SMAGP: variants seen among roughly 807,000 people sequenced by gnomAD.
SMAGP encodes the protein small cell transmembrane and glycosylated protein.
Under a neutral mutation model 10.1 loss-of-function variants are expected in SMAGP, and 7 were observed. The ratio of observed to expected loss-of-function variants is 0.70; its 90% confidence interval spans 0.40 to 1.31. The LOEUF (loss-of-function observed/expected upper bound fraction) is 1.31, where lower values mean the gene tolerates loss of function less well. Ranked by LOEUF, SMAGP falls within the 50% of genes most tolerant of loss-of-function variation. SMAGP has a pLI of 0.01. For synonymous variants in SMAGP, 49 were observed against 47.2 expected (o/e 1.04, Z -0.16); for missense variants, 113 against 116.5 (o/e 0.97, Z 0.14).
At chr12:51,255,383 A>G (rs1944876038) in intron 2 of SMAGP, among the ~76,000 whole-genome samples, 1 of 152,146 alleles carries the variant, frequency 6.6e-6, no homozygotes, top group Non-Finnish European at 1.5e-5. Flanking sequence ...CTTGTGCATA[A>G]CAATCTCCTA....
At position 51,247,352 on chromosome 12, in the gene SMAGP, A is replaced by AT. The variant is rs146047245; in HGVS notation, c.35-522dup. ...TTCTTACTAATTCTTTGTAAACATT[A>AT]TTTTAACATAATGAAATAGTGCTCC... On this transcript the variant is annotated intron_variant, in intron 2 of 3. Transcript: ENST00000603798. 4.8e-3 allele frequency among the ~76,000 whole-genome samples: 731 copies of AT among 152,322 alleles called. 9 individuals carry two copies. The highest frequency in any genetic ancestry group is 0.016 in the African/African-American group (684 of 41,578).
At chr12:51,265,107 G>T (rs1944963497) in intron 2 of SMAGP, among the ~76,000 whole-genome samples, 1 of 152,044 alleles carries the variant, frequency 6.6e-6, no homozygotes, top group South Asian at 2.1e-4. Context: ...TGGTCAATAA[G>T]TACATGAAAA....
At chr12:51,253,392 G>C (rs1010595184) in intron 2 of SMAGP, among the ~76,000 whole-genome samples, 1 of 152,170 alleles carries the variant, frequency 6.6e-6, no homozygotes, top group Admixed American at 6.5e-5. Flanking sequence ...CAATCTCATT[G>C]CTGGGTGGGT....
At chr12:51,252,232 T>C (rs1045820986) in intron 2 of SMAGP, among the ~76,000 whole-genome samples, 1 of 151,418 alleles carries the variant, frequency 6.6e-6, no homozygotes, top group East Asian at 1.9e-4. Flanking sequence ...TAGCTGGGAC[T>C]ACAGGCGCAT....
At chr12:51,247,909 C>A (rs1350449319) in intron 2 of SMAGP, among the ~76,000 whole-genome samples, 1 of 152,180 alleles carries the variant, frequency 6.6e-6, no homozygotes, top group Admixed American at 6.5e-5. Context: ...AGCCGAGGGG[C>A]CTGATCTAGT....
chr12:51,246,896 G>T, intron 2 of SMAGP, 65 bp from the exon 3 acceptor site: 1 of 1,305,022 alleles, frequency 7.7e-7, no homozygotes, highest in Non-Finnish European at 1.0e-6. Context: ...GCATATGTTT[G>T]GCCTTCAAAT....
At chr12:51,259,576 G>A (rs1944914916) in intron 2 of SMAGP, among the ~76,000 whole-genome samples, 1 of 151,802 alleles carries the variant, frequency 6.6e-6, no homozygotes, top group South Asian at 2.1e-4. Flanking sequence ...ACAAAGAATG[G>A]GGAAGCTATG....
At chr12:51,256,663 C>T (rs1171010281) in intron 2 of SMAGP, among the ~76,000 whole-genome samples, 8 of 151,440 alleles carry the variant, frequency 5.3e-5, no homozygotes, top group Admixed American at 6.6e-5. Flanking sequence ...GAGGTTGCGG[C>T]GAGCTGAGAT....
rs1204589890 is a variant in SMAGP at position 51,245,898 on chromosome 12, T to G, written c.*43A>C. The stretch of plus-strand genomic sequence containing the variant: ...TTCCCATAATAAGCAGTCAACGTGT[T>G]AGCGATGGAGCCAGGAATAAGCTCC... On this transcript the variant is annotated 3_prime_UTR_variant, in exon 4 of 4. Coordinates refer to ENST00000603798, the MANE Select transcript of SMAGP (RefSeq NM_001031628.2). 1 of 1,584,710 alleles carries G rather than the reference T, an allele frequency of 6.3e-7. No homozygotes were observed. Among genetic ancestry groups the G allele is most frequent in the South Asian group, 1.1e-5 (1 of 89,022 alleles).
In SMAGP at chr12:51,246,858, G is replaced by A. The variant is rs778519940; in HGVS notation, c.35-27C>T. 11 of 1,498,158 alleles carry A rather than the reference G, an allele frequency of 7.3e-6. No homozygotes were observed. The South Asian group carries it at 1.1e-4, about 16-fold the overall frequency. 92.8% of individuals were successfully genotyped at this position (1,498,158 alleles called of 1,614,324 possible). A position where few individuals can be genotyped will look rare whatever the true frequency, so the allele number is the denominator to read the frequency against. The stretch of plus-strand genomic sequence containing the variant: ...TGGAAAATGTAGAAAAGTGGAAAAG[G>A]AAATGGAGTGAATTCTTTTGTTTGA... On this transcript the variant is annotated intron_variant, in intron 2 of 3. Coordinates refer to ENST00000603798, the MANE Select transcript of SMAGP (RefSeq NM_001031628.2).
In SMAGP at chr12:51,245,969, C is replaced by G; in HGVS notation, c.266G>C (p.Gly89Ala). 1.9e-6 allele frequency: 3 copies of G among 1,613,838 alleles called. No homozygotes were observed. The highest frequency in any genetic ancestry group is 2.5e-6 in the Non-Finnish European group (3 of 1,179,804). ...IVQMESDLAK[G>A]SEKEEYFI The stretch of plus-strand genomic sequence containing the variant: ...GATGAAATATTCCTCTTTCTCGCTG[C>G]CCTTGGCCAAGTCACTCTCCATCTG... The change falls in exon 4 of 4, where the codon GGC (glycine) becomes GCC (alanine). Residue 89 changes from glycine (G) to alanine (A), a missense_variant. Coordinates refer to ENST00000603798, the MANE Select transcript of SMAGP (RefSeq NM_001031628.2).
At chr12:51,247,705 C>G (rs1944790389) in intron 2 of SMAGP, among the ~76,000 whole-genome samples, 1 of 152,148 alleles carries the variant, frequency 6.6e-6, no homozygotes, top group South Asian at 2.1e-4. Context: ...CTGGCAACAC[C>G]CACAGGAGGC....
At chr12:51,269,494 C>G in intron 1 of SMAGP, 178 bp from the exon 2 acceptor site, 1 of 583,882 alleles carries the variant, frequency 1.7e-6, no homozygotes, top group African/African-American at 1.9e-5. Context: ...CAGCTCTCCA[C>G]AGGAGCAGGT....
chr12:51,269,092 T>A (rs1229108541), intron 2 of SMAGP, among the ~76,000 whole-genome samples, 153 bp downstream of exon 2: 1 of 152,158 alleles, frequency 6.6e-6, no homozygotes, highest in Non-Finnish European at 1.5e-5. Context: ...AGGGGCACAC[T>A]CTAGTTCCTG....
At chr12:51,268,118 C>T (rs779494393) in intron 2 of SMAGP, among the ~76,000 whole-genome samples, 7 of 152,096 alleles carry the variant, frequency 4.6e-5, no homozygotes, top group Non-Finnish European at 8.8e-5. Flanking sequence ...CAGTAGTGCC[C>T]GGCCTCCGCA....
Position 51,245,850 on chromosome 12 carries a change from T to G in SMAGP, c.*91A>C. The G allele has an allele frequency of 3.5e-6, 5 of 1,436,286 alleles. No individual in the cohort carries two copies. The South Asian group carries it at 5.5e-5, about 16-fold the overall frequency. The allele number at this position is 1,436,286 out of a possible 1,614,324, so 89.0% of individuals were successfully genotyped here. The stretch of plus-strand genomic sequence containing the variant: ...GGATTTGCCCACATCAATCAATGCT[T>G]CTCCCTGGCTTCAGAGAAAACTTTC... On this transcript the variant is annotated 3_prime_UTR_variant, in exon 4 of 4. Coordinates refer to ENST00000603798, the MANE Select transcript of SMAGP (RefSeq NM_001031628.2).
At chr12:51,248,937 A>C (rs2137296433) in intron 2 of SMAGP, among the ~76,000 whole-genome samples, 3 of 144,944 alleles carry the variant, frequency 2.1e-5, no homozygotes, top group South Asian at 4.3e-4. Flanking sequence ...AAAAATAGCC[A>C]AGTATGGTGG....
Position 51,270,380 on chromosome 12 carries a change from A to G in SMAGP, c.-163T>C, listed in dbSNP as rs535365052. On this transcript the variant is annotated 5_prime_UTR_variant, in exon 1 of 4. Coordinates refer to ENST00000603798, the MANE Select transcript of SMAGP (RefSeq NM_001031628.2). ...GAGGCCGAACGAGGACCCCGAGCGGAGGAAGCCGCGGGTGGCGCGCGGGGT... is the reference window on the plus strand; with the variant it reads ...GAGGCCGAACGAGGACCCCGAGCGGGGGAAGCCGCGGGTGGCGCGCGGGGT... 24 of 210,940 alleles carry G rather than the reference A, an allele frequency of 1.1e-4. No individual in the cohort carries two copies. In the East Asian group the frequency reaches 2.2e-3, roughly 19 times the overall value. 13.1% of individuals were successfully genotyped at this position (210,940 alleles called of 1,614,324 possible). A position where few individuals can be genotyped will look rare whatever the true frequency, so the allele number is the denominator to read the frequency against.
rs56916271 is a variant in SMAGP, at chr12:51,257,552, AT to A, written c.35-10722del. Among the ~76,000 whole-genome samples the A allele has an allele frequency of 2.8e-3, 406 of 145,322 alleles. 8 individuals are homozygous for A. The East Asian group carries it at 0.034, about 12-fold the overall frequency. The stretch of plus-strand genomic sequence containing the variant: ...GCAACATAGTGAGACCTTTGTATAC[AT>A]TTTTTTTTTTTGAGACAGTCTTGCT... On this transcript the variant is annotated intron_variant, in intron 2 of 3. Transcript: ENST00000603798.
Sources: gnomAD v4.1 joint callset for allele counts (sites outside exome capture counted in the v4.1 genomes callset) on GRCh38, gnomAD v4.1.1 for gene constraint, MANE v1.5 for transcripts, NCBI Gene and HGNC (gene_info 2026-07-23, HGNC 2026-07-21) for gene names.